RETREG2: variants seen among roughly 807,000 people sequenced by gnomAD.
RETREG2 encodes reticulophagy regulator family member 2, also known as reticulophagy regulator 2.
A neutral mutation model predicts 51.6 loss-of-function variants in RETREG2; 21 were observed. The observed-to-expected ratio is 0.41, with a 90% CI of 0.29 to 0.59. The LOEUF (loss-of-function observed/expected upper bound fraction) is 0.59. Among genes scored for constraint, RETREG2 ranks in the 20% least tolerant of loss-of-function variants. The pLI is 0.34. For synonymous variants in RETREG2, 339 were observed against 288.6 expected (o/e 1.17, Z -1.77); for missense variants, 674 against 646.0 (o/e 1.04, Z -0.47).
chr2:219,182,834 T>A lies in RETREG2; in HGVS notation c.*205T>A. 1 of 622,446 alleles carries A rather than the reference T, an allele frequency of 1.6e-6. No homozygotes were observed. The highest frequency in any genetic ancestry group is 2.8e-6 in the Non-Finnish European group (1 of 360,334). 38.6% of individuals were successfully genotyped at this position (622,446 alleles called of 1,614,324 possible). On this transcript the variant is annotated 3_prime_UTR_variant, in exon 9 of 9. Transcript: ENST00000430297. ...CTGTGCCTAGGATTGGTTTTAAATT[T>A]GTAAATAATTTTCCATTTGGGTTAG...
At position 219,182,686 on chromosome 2, in the gene RETREG2, G is replaced by C; in HGVS notation, c.*57G>C. On this transcript the variant is annotated 3_prime_UTR_variant, in exon 9 of 9. Transcript: ENST00000430297. ...GTAGGGCTTCCTGGCTAGGAGTGTTGCTGTTTCCTCCTTTGCCTACCACTC... is the reference window on the plus strand; with the variant it reads ...GTAGGGCTTCCTGGCTAGGAGTGTTCCTGTTTCCTCCTTTGCCTACCACTC... 3 of 1,582,180 alleles carry C rather than the reference G, an allele frequency of 1.9e-6. No homozygotes were observed. Among genetic ancestry groups the C allele is most frequent in the Non-Finnish European group, 2.6e-6 (3 of 1,162,268 alleles).
In RETREG2 at chr2:219,182,293, A is replaced by G. The variant is rs367805514; in HGVS notation, c.1296A>G (p.Thr432=). The G allele has an allele frequency of 3.9e-5, 63 of 1,613,862 alleles. No individual in the cohort carries two copies. Among genetic ancestry groups the G allele is most frequent in the African/African-American group, 5.3e-5 (4 of 74,856 alleles). The change falls in exon 9 of 9, where the codon ACA becomes ACG. Residue 432 remains threonine (T), a synonymous_variant. Coordinates refer to ENST00000430297, the MANE Select transcript of RETREG2 (RefSeq NM_024293.6). ...GCTCCCCTGGAGGACCAGTGGAGAC[A>G]CTGAGCCCCGAGACAGTGAGTGGTG... ...VKCSPGGPVE[T]LSPETVSGGL...
At chr2:219,181,946 C>T (rs1950285305) in intron 8 of RETREG2, 67 bp from the exon 9 acceptor site, 2 of 1,584,694 alleles carry the variant, frequency 1.3e-6, no homozygotes, top group East Asian at 2.2e-5. Flanking sequence ...CATCCTTGAA[C>T]TCATTGTCTG....
intron 2 of RETREG2, 46 bp from the exon 3 acceptor site, chr2:219,179,687 C>T: frequency 6.3e-7 from 1 of 1,597,884 alleles, no homozygotes; most frequent in Non-Finnish European, 8.6e-7. Flanking sequence ...GAGTGTCTCC[C>T]AGGGCCCCTA....
intron 4 of RETREG2, 91 bp downstream of exon 4, chr2:219,180,336 T>G (rs1225737733): frequency 6.6e-7 from 1 of 1,521,922 alleles, no homozygotes; most frequent in Non-Finnish European, 9.0e-7. Flanking sequence ...AACTCCCCGC[T>G]TGGAGACCCT....
intron 1 of RETREG2, 143 bp from the exon 2 acceptor site, chr2:219,178,779 A>AT (rs1049249397): frequency 2.6e-6 from 3 of 1,162,588 alleles, no homozygotes; most frequent in Admixed American, 2.7e-5. Context: ...TGAATTGCCC[A>AT]TTTTTTTCTA....
At chr2:219,178,672 G>A in intron 1 of RETREG2, 39 bp downstream of exon 1, 2 of 1,420,282 alleles carry the variant, frequency 1.4e-6, no homozygotes, top group South Asian at 1.5e-5. Context: ...CGGGATGAGC[G>A]GGGGAGGGAG....
In RETREG2 at chr2:219,182,689, G is replaced by T; in HGVS notation, c.*60G>T. The T allele has an allele frequency of 6.3e-7, 1 of 1,577,672 alleles. No homozygotes were observed. On this transcript the variant is annotated 3_prime_UTR_variant, in exon 9 of 9. Transcript: ENST00000430297. ...GGGCTTCCTGGCTAGGAGTGTTGCT[G>T]TTTCCTCCTTTGCCTACCACTCTGG...
intron 2 of RETREG2, among the ~76,000 whole-genome samples, chr2:219,179,499 G>A (rs1350559492): frequency 3.3e-5 from 5 of 152,202 alleles, no homozygotes; most frequent in Non-Finnish European, 7.3e-5. Flanking sequence ...CTTAGTAGGT[G>A]ACAGGCTGTA....
In RETREG2 at chr2:219,182,227, G is replaced by T. The variant is rs139034243; in HGVS notation, c.1230G>T (p.Thr410=). 3 of 1,614,016 alleles carry T rather than the reference G, an allele frequency of 1.9e-6. No homozygotes were observed. Among genetic ancestry groups the T allele is most frequent in the East Asian group, 2.2e-5 (1 of 44,866 alleles). ...RLSSPLHFVN[T]HFNGAGSPPD... ...CATCCCCCCTCCACTTTGTGAACAC[G>T]CACTTCAATGGGGCAGGGTCCCCCC... The change falls in exon 9 of 9, where the codon ACG becomes ACT. Residue 410 remains threonine, a synonymous_variant. Transcript: ENST00000430297.
chr2:219,180,105 C>T lies in RETREG2; in HGVS notation c.420-5C>T. 4 of 1,613,866 alleles carry T rather than the reference C, an allele frequency of 2.5e-6. No individual in the cohort carries two copies. Among genetic ancestry groups the T allele is most frequent in the Admixed American group, 1.7e-5 (1 of 60,006 alleles). On this transcript the variant is annotated splice_polypyrimidine_tract_variant and splice_region_variant and intron_variant, in intron 3 of 8. Transcript: ENST00000430297. The stretch of plus-strand genomic sequence containing the variant: ...GCCTCCAGGGGTCATGTCATGTCTC[C>T]CCAGTGAGGGTGCGGGGTCAGGCGC...
rs1039401601 is a variant in RETREG2, at chr2:219,178,441, T to C, written c.89T>C (p.Leu30Pro). ...LSLGLGLGLS[L>P]GMSEATSEAE... is the part of the protein sequence containing the mutation. The stretch of plus-strand genomic sequence containing the variant: ...CTGGGCCTGGGTCTGGGTCTGAGCC[T>C]AGGCATGAGTGAGGCCACCAGTGAG... Residue 30 changes from leucine (L) to proline (P), a missense_variant, in exon 1 of 9, where the codon CTA becomes CCA. Coordinates refer to ENST00000430297, the MANE Select transcript of RETREG2 (RefSeq NM_024293.6). 8.2e-6 allele frequency: 6 copies of C among 734,012 alleles called. No individual in the cohort carries two copies. Among genetic ancestry groups the C allele is most frequent in the Non-Finnish European group, 1.1e-5 (5 of 469,562 alleles). The allele number at this position is 734,012 out of a possible 1,614,324, so 45.5% of individuals were successfully genotyped here.
chr2:219,180,954 T>A (rs905670115), intron 5 of RETREG2, 108 bp from the exon 6 acceptor site: 1 of 1,511,724 alleles, frequency 6.6e-7, no homozygotes, highest in Non-Finnish European at 9.0e-7. Flanking sequence ...GGCACAGCCT[T>A]GGGAAAGGAC....
In RETREG2 at chr2:219,180,793, C is replaced by T. The variant is rs748213400; in HGVS notation, c.640+39C>T. Reference sequence around the variant, plus strand: ...GTCCCTGCCCTATTTAAAGCCCTCTCCTTTCTTCTTTCCTTGGACTGACCC... The same window carrying T: ...GTCCCTGCCCTATTTAAAGCCCTCTTCTTTCTTCTTTCCTTGGACTGACCC... On this transcript the variant is annotated intron_variant, in intron 5 of 8. Coordinates refer to ENST00000430297, the MANE Select transcript of RETREG2 (RefSeq NM_024293.6). The T allele has an allele frequency of 4.4e-6, 7 of 1,608,590 alleles. 1 individual carries two copies. The South Asian group carries it at 4.4e-5, about 10-fold the overall frequency.
Position 219,185,054 on chromosome 2 carries a change from TGACCTCAG to T in RETREG2, c.*2427_*2434del, listed in dbSNP as rs1950332013. On this transcript the variant is annotated 3_prime_UTR_variant, in exon 9 of 9. Coordinates refer to ENST00000430297, the MANE Select transcript of RETREG2 (RefSeq NM_024293.6). ...GTTGGCCAGGCTGGTCTCGAACTCCTGACCTCAGGTGATTCACCCACCTCGGCCTCCCA... is the reference window on the plus strand; with the variant it reads ...GTTGGCCAGGCTGGTCTCGAACTCCTGTGATTCACCCACCTCGGCCTCCCA... The T allele has an allele frequency of 6.6e-6, 1 of 152,206 alleles. No homozygotes were observed. The highest frequency in any genetic ancestry group is 2.1e-4 in the South Asian group (1 of 4,820). The allele number at this position is 152,206 out of a possible 1,614,324, so 9.4% of individuals were successfully genotyped here. A position where few individuals can be genotyped will look rare whatever the true frequency, so the allele number is the denominator to read the frequency against.
rs1232996326 is a variant in RETREG2, at chr2:219,178,603, T to C, written c.251T>C (p.Val84Ala). Reference protein sequence around the residue: ...LVWEKPLHSLVTAAALNGLFW... With the variant: ...LVWEKPLHSLATAAALNGLFW... Reference sequence around the variant, plus strand: ...TGGGAGAAGCCGCTGCACAGCCTGGTCACGGCGGCCGCGCTCAACGGCCTC... The same window carrying C: ...TGGGAGAAGCCGCTGCACAGCCTGGCCACGGCGGCCGCGCTCAACGGCCTC... The change falls in exon 1 of 9, where the codon GTC becomes GCC. Residue 84 changes from valine to alanine, a missense_variant. Coordinates refer to ENST00000430297, the MANE Select transcript of RETREG2 (RefSeq NM_024293.6). 6.8e-7 allele frequency: 1 copy of C among 1,464,768 alleles called. No homozygotes were observed. Among genetic ancestry groups the C allele is most frequent in the Non-Finnish European group, 8.9e-7 (1 of 1,117,396 alleles). The allele number at this position is 1,464,768 out of a possible 1,614,324, so 90.7% of individuals were successfully genotyped here. A position where few individuals can be genotyped will look rare whatever the true frequency, so the allele number is the denominator to read the frequency against.
chr2:219,182,749 T>A lies in RETREG2; in HGVS notation c.*120T>A. 1 of 1,217,132 alleles carries A rather than the reference T, an allele frequency of 8.2e-7. No homozygotes were observed. Among genetic ancestry groups the A allele is most frequent in the South Asian group, 1.4e-5 (1 of 70,044 alleles). The allele number at this position is 1,217,132 out of a possible 1,614,324, so 75.4% of individuals were successfully genotyped here. A position where few individuals can be genotyped will look rare whatever the true frequency, so the allele number is the denominator to read the frequency against. On this transcript the variant is annotated 3_prime_UTR_variant, in exon 9 of 9. Transcript: ENST00000430297. ...GTGTGTGGGGAAGCTGGCTGTCGGATGGTAGCTATTCCACCCTCTGCCTGC... is the reference window on the plus strand; with the variant it reads ...GTGTGTGGGGAAGCTGGCTGTCGGAAGGTAGCTATTCCACCCTCTGCCTGC...
Position 219,178,636 on chromosome 2 carries a change from A to G in RETREG2, c.281+3A>G. 1 of 1,447,270 alleles carries G rather than the reference A, an allele frequency of 6.9e-7. No individual in the cohort carries two copies. Among genetic ancestry groups the G allele is most frequent in the Non-Finnish European group, 9.0e-7 (1 of 1,110,622 alleles). The allele number at this position is 1,447,270 out of a possible 1,614,324, so 89.7% of individuals were successfully genotyped here. ...GCCGCGCTCAACGGCCTCTTCTGGT[A>G]ACGGCCGCGGAGGAGGGGGCGGGGC... On this transcript the variant is annotated splice_donor_region_variant and intron_variant, in intron 1 of 8. Coordinates refer to ENST00000430297, the MANE Select transcript of RETREG2 (RefSeq NM_024293.6).
chr2:219,181,467 A>C lies in RETREG2; in HGVS notation c.879+4A>C. 6.2e-7 allele frequency: 1 copy of C among 1,613,940 alleles called. No homozygotes were observed. Among genetic ancestry groups the C allele is most frequent in the Non-Finnish European group, 8.5e-7 (1 of 1,179,864 alleles). On this transcript the variant is annotated splice_donor_region_variant and intron_variant, in intron 7 of 8. Transcript: ENST00000430297. Reference sequence around the variant, plus strand: ...GCTGGCTGGCTTCTCCCCAGTGGTGAGGTCCAGGGAAAGCGGGGGTGTCAA... The same window carrying C: ...GCTGGCTGGCTTCTCCCCAGTGGTGCGGTCCAGGGAAAGCGGGGGTGTCAA...
Sources: gnomAD v4.1 joint callset for allele counts (sites outside exome capture counted in the v4.1 genomes callset) on GRCh38, gnomAD v4.1.1 for gene constraint, MANE v1.5 for transcripts, NCBI Gene and HGNC (gene_info 2026-07-23, HGNC 2026-07-21) for gene names.